Variants in GALNTL6 observed in about 807,000 individuals in gnomAD.
GALNTL6 encodes the protein polypeptide N-acetylgalactosaminyltransferase like 6, also known as polypeptide N-acetylgalactosaminyltransferase-like 6.
Under a neutral mutation model 73.7 loss-of-function variants are expected in GALNTL6, and 46 were observed. The observed-to-expected ratio is 0.62, with a 90% CI of 0.49 to 0.80. GALNTL6 has a LOEUF of 0.80. Ranked by LOEUF, GALNTL6 falls within the 30% of genes least tolerant of loss-of-function variation. The probability of loss-of-function intolerance (pLI) is 0.00; values close to 1 mark genes in which losing one functional copy is unlikely to be tolerated. For synonymous variants in GALNTL6, 259 were observed against 263.7 expected, an observed-to-expected ratio of 0.98 and a Z score of 0.17; for missense variants, 604 against 755.0, an observed-to-expected ratio of 0.80 and a Z score of 2.34.
At chr4:171,843,198 GC>G (rs1412438286) in intron 2 of GALNTL6, among the ~76,000 whole-genome samples, 1 of 152,052 alleles carries the variant, frequency 6.6e-6, no homozygotes, top group Non-Finnish European at 1.5e-5. Flanking sequence ...AGGCATCGTA[GC>G]AGGACACACT....
At chr4:172,524,237 GCTCA>G (rs1374493389) in intron 5 of GALNTL6, among the ~76,000 whole-genome samples, 4 of 149,606 alleles carry the variant, frequency 2.7e-5, no homozygotes, top group Non-Finnish European at 5.9e-5. Flanking sequence ...TTTATTTTTT[GCTCA>G]TTTATTTATT....
At chr4:172,787,852 C>T (rs1015912546) in intron 5 of GALNTL6, among the ~76,000 whole-genome samples, 2 of 152,048 alleles carry the variant, frequency 1.3e-5, no homozygotes, top group Non-Finnish European at 2.9e-5. Context: ...TGGAGGTCAC[C>T]GCAACAGCAA....
chr4:172,993,880 C>T (rs536045085), intron 10 of GALNTL6, among the ~76,000 whole-genome samples: 38 of 152,276 alleles, frequency 2.5e-4, no homozygotes, highest in South Asian at 4.1e-4. Context: ...CGAGATTGTG[C>T]CACTGCACTC....
Position 172,813,552 on chromosome 4 carries a change from T to TA in GALNTL6, c.755dup (p.Asn252LysfsTer14). The TA allele has an allele frequency of 1.9e-6, 3 of 1,602,522 alleles. No homozygotes were observed. The highest frequency in any genetic ancestry group is 2.6e-6 in the Non-Finnish European group (3 of 1,170,702). ...TTTCATTTTTCAGACCAAATTGCAC[T>TA]AAACCACAAAACCATCGTGTGTCCC... On this transcript the variant is annotated frameshift_variant, in exon 7 of 13. Transcript: ENST00000506823. LOFTEE classifies it high-confidence loss of function.
chr4:172,220,829 C>T (rs1306114791), intron 2 of GALNTL6, among the ~76,000 whole-genome samples: 6 of 151,702 alleles, frequency 4.0e-5, no homozygotes, highest in Admixed American at 6.6e-5. Context: ...GTAGTAAAGA[C>T]CTAATTGAAG....
chr4:172,201,517 T>G (rs539902464), intron 2 of GALNTL6, among the ~76,000 whole-genome samples: 101 of 150,604 alleles, frequency 6.7e-4, no homozygotes, highest in South Asian at 1.9e-3. Flanking sequence ...GTTTTTTTTT[T>G]TTGTTTTTTG....
chr4:171,978,925 ATATAGT>A (rs1358350914), intron 2 of GALNTL6, among the ~76,000 whole-genome samples: 3 of 152,210 alleles, frequency 2.0e-5, no homozygotes, highest in Non-Finnish European at 4.4e-5. Flanking sequence ...CTTCATTGAA[ATATAGT>A]TATACATCTT....
chr4:172,181,950 C>G (rs1333531812), intron 2 of GALNTL6, among the ~76,000 whole-genome samples: 3 of 152,116 alleles, frequency 2.0e-5, no homozygotes, highest in Middle Eastern at 3.4e-3. Context: ...ATCTCCTGAC[C>G]TCATGATCCG....
At chr4:172,376,998 G>A (rs1006107980) in intron 5 of GALNTL6, among the ~76,000 whole-genome samples, 1 of 152,130 alleles carries the variant, frequency 6.6e-6, no homozygotes, top group Non-Finnish European at 1.5e-5. Context: ...CAGACCAAAA[G>A]GGTGAGCAGC....
intron 2 of GALNTL6, among the ~76,000 whole-genome samples, chr4:172,117,220 C>G (rs1733008041): frequency 6.6e-6 from 1 of 152,148 alleles, no homozygotes; most frequent in Non-Finnish European, 1.5e-5. Context: ...AGCTATTTTT[C>G]AGTCGTGTTT....
chr4:172,703,526 C>T (rs184445982), intron 5 of GALNTL6, among the ~76,000 whole-genome samples: 1 of 152,150 alleles, frequency 6.6e-6, no homozygotes, highest in East Asian at 1.9e-4. Flanking sequence ...AAGATCCTTA[C>T]ATTCCTGGAA....
chr4:172,546,798 GTA>G lies in GALNTL6; in HGVS notation c.553+198116_553+198117del, dbSNP rs74218672. ...TCAACTCCGCTTTATATATATATAC[GTA>G]TATATACGTATATATATACGTATAT... On this transcript the variant is annotated intron_variant, in intron 5 of 12. Coordinates refer to ENST00000506823, the MANE Select transcript of GALNTL6 (RefSeq NM_001034845.3). Among the ~76,000 whole-genome samples the G allele has an allele frequency of 1.3e-4, 2 of 15,494 alleles. 1 individual carries two copies. Among genetic ancestry groups the G allele is most frequent in the East Asian group, 2.0e-3 (2 of 992 alleles). The allele number at this position is 15,494 out of a possible 152,430, so 10.2% of individuals were successfully genotyped here. A position where few individuals can be genotyped will look rare whatever the true frequency, so the allele number is the denominator to read the frequency against.
intron 2 of GALNTL6, among the ~76,000 whole-genome samples, chr4:171,965,453 G>A (rs964263227): frequency 6.6e-6 from 1 of 151,902 alleles, no homozygotes; most frequent in Non-Finnish European, 1.5e-5. Flanking sequence ...TCAGGAGATC[G>A]AGACCATCCT....
chr4:172,011,135 A>G (rs575492290), intron 2 of GALNTL6, among the ~76,000 whole-genome samples: 2 of 152,110 alleles, frequency 1.3e-5, no homozygotes, highest in Admixed American at 6.6e-5. Flanking sequence ...TAAGGCTTAG[A>G]GAGTATCCTT....
intron 5 of GALNTL6, among the ~76,000 whole-genome samples, chr4:172,558,781 A>T (rs1375664053): frequency 6.6e-6 from 1 of 152,232 alleles, no homozygotes; most frequent in Non-Finnish European, 1.5e-5. Flanking sequence ...AACATTAAAA[A>T]AATAGAAAAG....
intron 7 of GALNTL6, among the ~76,000 whole-genome samples, chr4:172,867,696 C>T (rs1744728519): frequency 1.3e-5 from 2 of 152,222 alleles, no homozygotes; most frequent in African/African-American, 2.4e-5. Context: ...TATCAGGCTT[C>T]ATCACATGGC....
chr4:172,096,246 G>A (rs975078632), intron 2 of GALNTL6, among the ~76,000 whole-genome samples: 25 of 152,102 alleles, frequency 1.6e-4, no homozygotes, highest in African/African-American at 5.3e-4. Context: ...TAGGACTACC[G>A]GTGCATGCCC....
Position 172,426,484 on chromosome 4 carries a change from G to T in GALNTL6, c.553+77795G>T, listed in dbSNP as rs575348141. On this transcript the variant is annotated intron_variant, in intron 5 of 12. Coordinates refer to ENST00000506823, the MANE Select transcript of GALNTL6 (RefSeq NM_001034845.3). ...CATCCAGTTTCTAAATAGTATCCCC[G>T]GCACAAAAACAGCTGAATTTTAAAA... 7.8e-4 allele frequency among the ~76,000 whole-genome samples: 118 copies of T among 151,994 alleles called. 1 individual carries two copies. Among genetic ancestry groups the T allele is most frequent in the Non-Finnish European group, 4.0e-4 (27 of 67,980 alleles).
chr4:172,411,612 T>TG (rs996853959), intron 5 of GALNTL6, among the ~76,000 whole-genome samples: 2 of 150,450 alleles, frequency 1.3e-5, no homozygotes, highest in African/African-American at 4.9e-5. Context: ...CTGGACATGT[T>TG]GAAAAAAAAA....
Sources: allele counts gnomAD v4.1 joint callset (sites outside exome capture counted in the v4.1 genomes callset), GRCh38; gene constraint gnomAD v4.1.1; transcripts MANE v1.5; gene names NCBI Gene and HGNC (gene_info 2026-07-23, HGNC 2026-07-21).